Variants in DDR2 observed in about 807,000 individuals in gnomAD.
The protein encoded by DDR2 is discoidin domain receptor tyrosine kinase 2, also known as discoidin domain-containing receptor 2.
Under a neutral mutation model 94.9 loss-of-function variants are expected in DDR2, and 27 were observed. The observed-to-expected ratio is 0.28, with a 90% confidence interval of 0.21 to 0.39. The LOEUF (loss-of-function observed/expected upper bound fraction) is 0.39. DDR2 is among the 10% of genes least tolerant of loss of function. DDR2 has a pLI of 1.00. For synonymous variants in DDR2, 382 were observed against 377.2 expected (o/e 1.01, Z -0.15); for missense variants, 783 against 1,076.0 (o/e 0.73, Z 3.81).
chr1:162,639,861 C>A (rs1350406586), intron 1 of DDR2, among the ~76,000 whole-genome samples: 1 of 152,052 alleles, frequency 6.6e-6, no homozygotes, highest in African/African-American at 2.4e-5. Flanking sequence ...AAAAACTATT[C>A]GTAGTTGCCA....
chr1:162,730,040 CTT>C (rs543854413), intron 3 of DDR2, among the ~76,000 whole-genome samples: 5 of 53,748 alleles, frequency 9.3e-5, no homozygotes, highest in Non-Finnish European at 1.5e-4. Context: ...CCATGCCTGG[CTT>C]TTTTTTTTTT....
chr1:162,737,929 A>G (rs1434433773), intron 3 of DDR2, among the ~76,000 whole-genome samples: 1 of 151,580 alleles, frequency 6.6e-6, no homozygotes, highest in East Asian at 1.9e-4. Context: ...GCATTTTTTC[A>G]TGTGTTTTTT....
At chr1:162,633,554 A>G (rs1437777921) in intron 1 of DDR2, among the ~76,000 whole-genome samples, 2 of 152,252 alleles carry the variant, frequency 1.3e-5, no homozygotes, top group Non-Finnish European at 2.9e-5. Flanking sequence ...TTCAAGTCCC[A>G]CAGCACATCT....
intron 12 of DDR2, 120 bp downstream of exon 12, chr1:162,770,632 A>G: frequency 1.0e-6 from 1 of 998,766 alleles, no homozygotes; most frequent in Non-Finnish European, 1.6e-6. Context: ...CCTCCTGAGA[A>G]GTCCACATTC....
intron 2 of DDR2, among the ~76,000 whole-genome samples, chr1:162,697,579 T>C (rs1660249646): frequency 6.6e-6 from 1 of 152,220 alleles, no homozygotes; most frequent in Non-Finnish European, 1.5e-5. Context: ...AATGTCATGA[T>C]TATTTAATAT....
chr1:162,664,982 C>T (rs1357595659), intron 2 of DDR2, among the ~76,000 whole-genome samples: 4 of 152,144 alleles, frequency 2.6e-5, no homozygotes, highest in Admixed American at 2.6e-4. Context: ...TATTTGAGCT[C>T]TGCTCGAACA....
chr1:162,722,511 G>A (rs533269687), intron 3 of DDR2, among the ~76,000 whole-genome samples: 7 of 152,148 alleles, frequency 4.6e-5, no homozygotes, highest in Admixed American at 1.3e-4. Flanking sequence ...TCAAAATCAT[G>A]GCTCAGAAAT....
chr1:162,653,826 T>C (rs1389102174), intron 1 of DDR2, among the ~76,000 whole-genome samples: 1 of 152,200 alleles, frequency 6.6e-6, no homozygotes, highest in Admixed American at 6.5e-5. Context: ...AGACTTCAGC[T>C]GCATACCTTG....
intron 2 of DDR2, among the ~76,000 whole-genome samples, chr1:162,704,849 CA>C (rs1251519444): frequency 6.6e-6 from 1 of 152,200 alleles, no homozygotes; most frequent in African/African-American, 2.4e-5. Flanking sequence ...GGCCATTTTA[CA>C]TAACGGGGGT....
At chr1:162,752,681 T>A (rs1424787136) in intron 3 of DDR2, among the ~76,000 whole-genome samples, 1 of 152,136 alleles carries the variant, frequency 6.6e-6, no homozygotes, top group African/African-American at 2.4e-5. Flanking sequence ...CTGAAAAAAA[T>A]AATTCTTTGG....
At chr1:162,742,064 G>C (rs1182651199) in intron 3 of DDR2, among the ~76,000 whole-genome samples, 2 of 152,332 alleles carry the variant, frequency 1.3e-5, no homozygotes, top group East Asian at 3.9e-4. Context: ...AGTGGAATTT[G>C]AGAATTTGTT....
At chr1:162,732,767 A>G (rs1662120421) in intron 3 of DDR2, among the ~76,000 whole-genome samples, 1 of 152,268 alleles carries the variant, frequency 6.6e-6, no homozygotes, top group African/African-American at 2.4e-5. Flanking sequence ...AGCTGCATAT[A>G]GGACACTCAT....
chr1:162,693,661 G>A (rs1209998181), intron 2 of DDR2, among the ~76,000 whole-genome samples: 2 of 152,206 alleles, frequency 1.3e-5, no homozygotes, highest in Non-Finnish European at 2.9e-5. Flanking sequence ...ATGGAGCTGG[G>A]CTGAGGGTTT....
Position 162,780,386 on chromosome 1 carries a change from G to A in DDR2, c.*140G>A. ...TTGTTTGCTTTGCCCTCTTTTCCTGGTCACCCCCACTCCCTACCCCTGACT... is the reference window on the plus strand; with the variant it reads ...TTGTTTGCTTTGCCCTCTTTTCCTGATCACCCCCACTCCCTACCCCTGACT... On this transcript the variant is annotated 3_prime_UTR_variant, in exon 18 of 18. Transcript: ENST00000367921. 7.6e-7 allele frequency: 1 copy of A among 1,309,478 alleles called. No individual in the cohort carries two copies. The highest frequency in any genetic ancestry group is 2.5e-5 in the East Asian group (1 of 39,530). The allele number at this position is 1,309,478 out of a possible 1,614,324, so 81.1% of individuals were successfully genotyped here.
intron 2 of DDR2, among the ~76,000 whole-genome samples, chr1:162,664,186 T>C (rs1658436446): frequency 6.6e-6 from 1 of 152,110 alleles, no homozygotes; most frequent in Non-Finnish European, 1.5e-5. Context: ...TGCCCAAATA[T>C]TAAATATTTA....
chr1:162,716,141 T>C (rs2102023982), intron 2 of DDR2, among the ~76,000 whole-genome samples: 1 of 152,286 alleles, frequency 6.6e-6, no homozygotes, highest in Admixed American at 6.5e-5. Flanking sequence ...AGCATGTGTT[T>C]TGGTGAAGGA....
chr1:162,646,794 C>T (rs1657432094), intron 1 of DDR2, among the ~76,000 whole-genome samples: 1 of 152,168 alleles, frequency 6.6e-6, no homozygotes, highest in Non-Finnish European at 1.5e-5. Context: ...TCCGAATTTA[C>T]TGAATAAGAA....
intron 3 of DDR2, among the ~76,000 whole-genome samples, chr1:162,740,799 G>C (rs1229960086): frequency 6.6e-6 from 1 of 152,112 alleles, no homozygotes; most frequent in Non-Finnish European, 1.5e-5. Context: ...AATAAACCAT[G>C]GGTTTGGAAA....
intron 3 of DDR2, 94 bp downstream of exon 3, chr1:162,719,239 G>A: frequency 6.3e-7 from 1 of 1,595,530 alleles, no homozygotes; most frequent in Non-Finnish European, 8.5e-7. Flanking sequence ...TGCCAAGAGG[G>A]ACTACAAAGC....
Sources: gnomAD v4.1 joint callset for allele counts (sites outside exome capture counted in the v4.1 genomes callset) on GRCh38, gnomAD v4.1.1 for gene constraint, MANE v1.5 for transcripts, NCBI Gene and HGNC (gene_info 2026-07-23, HGNC 2026-07-21) for gene names.